Variants in ADGRL3 observed in about 807,000 individuals in gnomAD.
ADGRL3 encodes the protein adhesion G protein-coupled receptor L3, also known as calcium-independent alpha-latrotoxin receptor 3.
A neutral mutation model predicts 153.5 loss-of-function variants in ADGRL3; 62 were observed. That is an observed-to-expected ratio of 0.40 (90% CI 0.33 to 0.50). The LOEUF (loss-of-function observed/expected upper bound fraction) is 0.50, where lower values mean the gene tolerates loss of function less well. Ranked by LOEUF, ADGRL3 falls within the 20% of genes least tolerant of loss-of-function variation. ADGRL3 has a pLI of 0.47. For synonymous variants in ADGRL3, 710 were observed against 672.5 expected (o/e 1.06, Z -0.86); for missense variants, 1,641 against 1,859.4 (o/e 0.88, Z 2.16).
At chr4:61,373,436 A>G (rs1443212503) in intron 1 of ADGRL3, among the ~76,000 whole-genome samples, 2 of 152,232 alleles carry the variant, frequency 1.3e-5, no homozygotes, top group Non-Finnish European at 2.9e-5. Flanking sequence ...TATTTATCCC[A>G]TATGAATTTG....
intron 1 of ADGRL3, among the ~76,000 whole-genome samples, chr4:61,314,783 T>A (rs1438104655): frequency 6.6e-6 from 1 of 152,154 alleles, no homozygotes; most frequent in African/African-American, 2.4e-5. Flanking sequence ...TGAGTACAGT[T>A]CAGGAAGGCT....
intron 3 of ADGRL3, among the ~76,000 whole-genome samples, chr4:61,508,681 C>T (rs2098445335): frequency 6.6e-6 from 1 of 152,088 alleles, no homozygotes; most frequent in African/African-American, 2.4e-5. Context: ...TCCTGTCACC[C>T]AGGGTAATGA....
At chr4:61,774,630 A>C (rs1052381507) in intron 8 of ADGRL3, among the ~76,000 whole-genome samples, 1 of 152,122 alleles carries the variant, frequency 6.6e-6, no homozygotes, top group Non-Finnish European at 1.5e-5. Context: ...AACCAATACT[A>C]TGTGGATACA....
intron 2 of ADGRL3, among the ~76,000 whole-genome samples, chr4:61,476,522 A>G (rs970471730): frequency 3.3e-5 from 5 of 152,082 alleles, no homozygotes; most frequent in Non-Finnish European, 7.4e-5. Context: ...CCTGACCAAC[A>G]TGGAGAAACC....
intron 9 of ADGRL3, among the ~76,000 whole-genome samples, chr4:61,827,720 T>G (rs926398630): frequency 3.9e-5 from 6 of 152,210 alleles, no homozygotes; most frequent in African/African-American, 1.2e-4. Flanking sequence ...TTAGAATTGT[T>G]GGACATGTCA....
intron 1 of ADGRL3, among the ~76,000 whole-genome samples, chr4:61,370,253 A>T (rs1012623120): frequency 6.7e-6 from 1 of 148,164 alleles, no homozygotes; most frequent in African/African-American, 2.5e-5. Context: ...GATTTTAGTT[A>T]TTTCTTGCCT....
intron 2 of ADGRL3, among the ~76,000 whole-genome samples, chr4:61,445,898 A>G (rs1018617172): frequency 6.6e-6 from 1 of 152,234 alleles, no homozygotes; most frequent in African/African-American, 2.4e-5. Context: ...TAGCACAACC[A>G]TTAACTTCTC....
At chr4:61,579,540 A>G in intron 4 of ADGRL3, 2 of 494,722 alleles carry the variant, frequency 4.0e-6, no homozygotes, top group Non-Finnish European at 7.9e-6. Context: ...GGCAATCCTC[A>G]GGTAGACGAT....
chr4:61,503,839 T>G (rs1466457274), intron 3 of ADGRL3, among the ~76,000 whole-genome samples: 1 of 152,182 alleles, frequency 6.6e-6, no homozygotes, highest in African/African-American at 2.4e-5. Context: ...ATTGGAGTAC[T>G]TAGGATATTC....
intron 8 of ADGRL3, among the ~76,000 whole-genome samples, chr4:61,797,773 C>G (rs1243412380): frequency 1.3e-5 from 2 of 151,996 alleles, no homozygotes; most frequent in African/African-American, 4.8e-5. Flanking sequence ...CAATGAATTC[C>G]CAGTTCTTAA....
intron 1 of ADGRL3, among the ~76,000 whole-genome samples, chr4:61,346,016 C>T (rs534035608): frequency 6.6e-6 from 1 of 152,204 alleles, no homozygotes; most frequent in African/African-American, 2.4e-5. Context: ...GGGCTTAGTA[C>T]ATTCGAGGCC....
In ADGRL3 at chr4:61,946,894, A is replaced by C; in HGVS notation, c.2420-20A>C. 3.2e-6 allele frequency: 5 copies of C among 1,572,556 alleles called. No homozygotes were observed. Among genetic ancestry groups the C allele is most frequent in the Admixed American group, 1.7e-5 (1 of 59,930 alleles). On this transcript the variant is annotated intron_variant, in intron 15 of 26. Coordinates refer to ENST00000683033, the MANE Select transcript of ADGRL3 (RefSeq NM_001387552.1). ...TTTAAGTAGAGTGGACAAACTAATC[A>C]GAGTTTGCATTTACTTTAGGAGAGA...
chr4:61,415,318 C>T (rs2097133534), intron 2 of ADGRL3, among the ~76,000 whole-genome samples: 1 of 151,898 alleles, frequency 6.6e-6, no homozygotes, highest in South Asian at 2.1e-4. Context: ...TTTATAAGTA[C>T]TTGCCTTATT....
chr4:61,648,440 A>C (rs2094124693), intron 5 of ADGRL3, among the ~76,000 whole-genome samples: 1 of 146,644 alleles, frequency 6.8e-6, no homozygotes, highest in Admixed American at 7.1e-5. Flanking sequence ...ATTCCTTTCC[A>C]GGTCAGTAAG....
intron 5 of ADGRL3, among the ~76,000 whole-genome samples, chr4:61,644,845 A>C (rs2093886026): frequency 6.6e-6 from 1 of 151,656 alleles, no homozygotes; most frequent in Non-Finnish European, 1.5e-5. Flanking sequence ...ATCCTTGTTG[A>C]CTTTCTGTCT....
intron 8 of ADGRL3, among the ~76,000 whole-genome samples, chr4:61,787,215 T>C (rs1475843173): frequency 6.6e-6 from 1 of 152,146 alleles, no homozygotes; most frequent in Non-Finnish European, 1.5e-5. Context: ...ATATGTCACA[T>C]AAGATGAATT....
intron 6 of ADGRL3, among the ~76,000 whole-genome samples, chr4:61,725,619 A>C (rs13146261): frequency 4.1e-5 from 6 of 147,152 alleles, no homozygotes; most frequent in East Asian, 4.0e-4. Flanking sequence ...AAAAAAAAAC[A>C]AAAAAAAACA....
In ADGRL3 at chr4:61,706,562, C is replaced by T. The variant is rs959704573; in HGVS notation, c.584-24060C>T. The stretch of plus-strand genomic sequence containing the variant: ...GCTTCTACATCCGCACTTGTTGCTT[C>T]ACCTTGCATTTTAAAATTATGGAGA... On this transcript the variant is annotated intron_variant, in intron 6 of 26. Coordinates refer to ENST00000683033, the MANE Select transcript of ADGRL3 (RefSeq NM_001387552.1). Among the ~76,000 whole-genome samples the T allele has an allele frequency of 5.9e-5, 9 of 152,128 alleles. No homozygotes were observed. The East Asian group carries it at 9.7e-4, about 16-fold the overall frequency.
chr4:61,421,563 G>A (rs2097207962), intron 2 of ADGRL3, among the ~76,000 whole-genome samples: 1 of 152,012 alleles, frequency 6.6e-6, no homozygotes, highest in Non-Finnish European at 1.5e-5. Context: ...TTTATACAGA[G>A]AAATCAGGAA....
Sources: allele counts gnomAD v4.1 joint callset (sites outside exome capture counted in the v4.1 genomes callset), GRCh38; gene constraint gnomAD v4.1.1; transcripts MANE v1.5; gene names NCBI Gene and HGNC (gene_info 2026-07-23, HGNC 2026-07-21).